PPP1R21: variants seen among roughly 807,000 people sequenced by gnomAD.
The protein encoded by PPP1R21 is KLRAQ motif containing 1.
A neutral mutation model predicts 112.8 loss-of-function variants in PPP1R21; 85 were observed. The observed-to-expected ratio is 0.75, with a 90% CI of 0.63 to 0.90. The LOEUF (loss-of-function observed/expected upper bound fraction) is 0.90. Ranked by LOEUF, PPP1R21 falls within the 40% of genes least tolerant of loss-of-function variation. The pLI, the probability that PPP1R21 is intolerant of heterozygous loss-of-function variation, is 0.00. For synonymous variants in PPP1R21, 381 were observed against 322.3 expected (o/e 1.18, Z -1.95); for missense variants, 1,199 against 901.5 (o/e 1.33, Z -4.23).
chr2:48,459,077 G>A (rs1667855939), intron 4 of PPP1R21, among the ~76,000 whole-genome samples: 2 of 137,994 alleles, frequency 1.4e-5, no homozygotes, highest in African/African-American at 5.4e-5. Context: ...GGGCGACAGA[G>A]TGAGACTCTG....
rs149372181 is a variant in PPP1R21 at position 48,487,150 on chromosome 2, A to G, written c.1446+392A>G. On this transcript the variant is annotated intron_variant, in intron 14 of 21. Transcript: ENST00000294952. ...CAATATTGGATGATTAGAAGATTCT[A>G]GGTAGTCTCAATATAGATCGTTGTG... Among the ~76,000 whole-genome samples, 654 of 152,298 alleles carry G rather than the reference A, an allele frequency of 4.3e-3. 2 individuals are homozygous for G. The highest frequency in any genetic ancestry group is 0.013 in the African/African-American group (552 of 41,550).
chr2:48,508,603 G>A (rs764545361), intron 19 of PPP1R21, among the ~76,000 whole-genome samples: 3 of 152,186 alleles, frequency 2.0e-5, no homozygotes, highest in Non-Finnish European at 2.9e-5. Context: ...TCACTAAGCC[G>A]GCAGTCCAGC....
chr2:48,465,258 T>A (rs1668150066), intron 8 of PPP1R21, among the ~76,000 whole-genome samples: 1 of 152,218 alleles, frequency 6.6e-6, no homozygotes, highest in South Asian at 2.1e-4. Context: ...TTTTTGTGGA[T>A]TGGTAGACCT....
At chr2:48,511,510 T>C in intron 21 of PPP1R21, 42 bp downstream of exon 21, 2 of 1,593,980 alleles carry the variant, frequency 1.3e-6, no homozygotes, top group Non-Finnish European at 8.5e-7. Context: ...CAATATAATA[T>C]TTAATGTGAG....
At chr2:48,486,266 A>G (rs930142695) in intron 13 of PPP1R21, among the ~76,000 whole-genome samples, 3 of 152,160 alleles carry the variant, frequency 2.0e-5, no homozygotes, top group African/African-American at 7.2e-5. Context: ...TATAAATACA[A>G]GATAATTTCT....
At position 48,514,712 on chromosome 2, in the gene PPP1R21, C is replaced by T. The variant is rs1670797413; in HGVS notation, c.2314-3C>T. The T allele has an allele frequency of 1.3e-6, 2 of 1,599,518 alleles. No homozygotes were observed. Among genetic ancestry groups the T allele is most frequent in the Non-Finnish European group, 1.7e-6 (2 of 1,168,436 alleles). On this transcript the variant is annotated splice_region_variant and splice_polypyrimidine_tract_variant and intron_variant, in intron 21 of 21. Coordinates refer to ENST00000294952, the MANE Select transcript of PPP1R21 (RefSeq NM_001135629.3). ...CTTATTGTTGATATTTTTCTTTGCA[C>T]AGGGGAATTCTAAAAAGAACAAGAG...
chr2:48,464,917 A>G lies in PPP1R21; in HGVS notation c.695-20A>G, dbSNP rs774283991. 27 of 1,552,432 alleles carry G rather than the reference A, an allele frequency of 1.7e-5. No individual in the cohort carries two copies. Among genetic ancestry groups the G allele is most frequent in the Non-Finnish European group, 2.2e-5 (25 of 1,153,268 alleles). Reference sequence around the variant, plus strand: ...ATATGTGAAATGAGAGACTTAATGTACATTATTTTTCTTCTGTAGAATATA... The same window carrying G: ...ATATGTGAAATGAGAGACTTAATGTGCATTATTTTTCTTCTGTAGAATATA... On this transcript the variant is annotated intron_variant, in intron 7 of 21. Transcript: ENST00000294952.
At chr2:48,507,146 C>T (rs1670418785) in intron 18 of PPP1R21, 123 bp from the exon 19 acceptor site, 1 of 1,333,668 alleles carries the variant, frequency 7.5e-7, no homozygotes, top group African/African-American at 1.5e-5. Flanking sequence ...GGTAGGAAAA[C>T]AGTGATTCCC....
chr2:48,464,809 T>C (rs1668127364), intron 7 of PPP1R21, 128 bp from the exon 8 acceptor site: 1 of 618,428 alleles, frequency 1.6e-6, no homozygotes, highest in Non-Finnish European at 2.8e-6. Flanking sequence ...CATTATTCTG[T>C]ATTGTTGATC....
intron 11 of PPP1R21, among the ~76,000 whole-genome samples, chr2:48,474,104 C>T (rs969423305): frequency 2.6e-5 from 4 of 152,162 alleles, no homozygotes; most frequent in South Asian, 2.1e-4. Context: ...AAAATATGGC[C>T]GGGCGTGGTG....
chr2:48,502,670 A>ACTTTT (rs1404606688), intron 17 of PPP1R21, among the ~76,000 whole-genome samples: 3 of 140,142 alleles, frequency 2.1e-5, no homozygotes, highest in African/African-American at 8.1e-5. Flanking sequence ...TCAGATAGAA[A>ACTTTT]CTTTTCTTTT....
At chr2:48,491,279 G>T in intron 15 of PPP1R21, 109 bp downstream of exon 15, 1 of 1,227,610 alleles carries the variant, frequency 8.1e-7, no homozygotes, top group Non-Finnish European at 1.1e-6. Flanking sequence ...ATACGATATT[G>T]GGGTACAGGT....
intron 9 of PPP1R21, among the ~76,000 whole-genome samples, chr2:48,469,533 T>TAGAGC (rs1412522411): frequency 1.5e-5 from 1 of 65,856 alleles, no homozygotes; most frequent in African/African-American, 5.9e-5. Context: ...TATATATATA[T>TAGAGC]ATAGAGCATA....
chr2:48,459,347 T>C (rs557255695), intron 4 of PPP1R21, among the ~76,000 whole-genome samples: 4 of 152,208 alleles, frequency 2.6e-5, no homozygotes, highest in Non-Finnish European at 5.9e-5. Flanking sequence ...TAATTTTGAT[T>C]ATTTTATGTG....
intron 1 of PPP1R21, among the ~76,000 whole-genome samples, chr2:48,450,619 C>T (rs998139513): frequency 5.3e-5 from 8 of 152,180 alleles, no homozygotes; most frequent in African/African-American, 1.9e-4. Flanking sequence ...ATGTATTTTA[C>T]AAATGAATGG....
intron 12 of PPP1R21, among the ~76,000 whole-genome samples, chr2:48,478,677 G>A (rs1456461318): frequency 3.3e-5 from 5 of 152,160 alleles, no homozygotes; most frequent in East Asian, 1.9e-4. Context: ...CAGTGTTTGC[G>A]CTTCATTCTG....
intron 14 of PPP1R21, 32 bp from the exon 15 acceptor site, chr2:48,490,986 C>T (rs1558497561): frequency 6.2e-7 from 1 of 1,601,882 alleles, no homozygotes; most frequent in Non-Finnish European, 8.5e-7. Flanking sequence ...TGTTGGAAAA[C>T]AAAATCTATT....
intron 17 of PPP1R21, among the ~76,000 whole-genome samples, chr2:48,504,043 G>C (rs1476766918): frequency 6.6e-6 from 1 of 152,036 alleles, no homozygotes; most frequent in East Asian, 1.9e-4. Context: ...CATAACCCGG[G>C]AGTAAGGGGG....
intron 17 of PPP1R21, among the ~76,000 whole-genome samples, chr2:48,504,538 G>C (rs952585272): frequency 6.6e-6 from 1 of 152,178 alleles, no homozygotes; most frequent in Non-Finnish European, 1.5e-5. Flanking sequence ...CTACTCGGGA[G>C]GCTGAGGCGG....
Sources: gnomAD v4.1 joint callset for allele counts (sites outside exome capture counted in the v4.1 genomes callset) on GRCh38, gnomAD v4.1.1 for gene constraint, MANE v1.5 for transcripts, NCBI Gene and HGNC (gene_info 2026-07-23, HGNC 2026-07-21) for gene names.